Variants in RGS6 observed in about 807,000 individuals in gnomAD.
The protein encoded by RGS6 is regulator of G protein signaling 6.
A neutral mutation model predicts 78.5 loss-of-function variants in RGS6; 30 were observed. The observed-to-expected ratio is 0.38, with a 90% CI of 0.29 to 0.52. RGS6 has a LOEUF of 0.52. RGS6 is among the 20% of genes least tolerant of loss of function. The pLI, the probability that RGS6 is intolerant of heterozygous loss-of-function variation, is 0.85. For missense variants in RGS6, 495 were observed against 609.7 expected (o/e 0.81, Z 1.98); for synonymous variants, 206 against 206.0 (o/e 1.00, Z 0.00).
chr14:72,183,223 C>T (rs2097197425), intron 2 of RGS6, among the ~76,000 whole-genome samples: 1 of 152,178 alleles, frequency 6.6e-6, no homozygotes, highest in Non-Finnish European at 1.5e-5. Flanking sequence ...TGACTACTCT[C>T]CATTTCTGCT....
chr14:72,030,884 T>A (rs9944137), intron 2 of RGS6, among the ~76,000 whole-genome samples: 7 of 151,982 alleles, frequency 4.6e-5, no homozygotes, highest in Non-Finnish European at 1.0e-4. Context: ...AATAAAGCAA[T>A]ATTTAATTGG....
rs147446895 is a variant in RGS6, at chr14:72,106,713, A to G, written c.84+141838A>G. On this transcript the variant is annotated intron_variant, in intron 2 of 17. Transcript: ENST00000553525. ...TATCTTTCAGTCTATGCATTCCCCC[A>G]TTGTCCCCTCCTTTTCCATACAGTG... Among the ~76,000 whole-genome samples the G allele has an allele frequency of 7.2e-3, 1,090 of 152,082 alleles. 39 individuals are homozygous for G. The highest frequency in any genetic ancestry group is 0.062 in the Admixed American group (953 of 15,268).
intron 3 of RGS6, among the ~76,000 whole-genome samples, chr14:72,402,644 G>A (rs573600923): frequency 1.6e-3 from 251 of 152,144 alleles, no homozygotes; most frequent in Non-Finnish European, 2.5e-3. Context: ...CACTTATACT[G>A]TGTTGGTAGG....
chr14:72,409,568 TTTA>T (rs951944561), intron 3 of RGS6, among the ~76,000 whole-genome samples: 1 of 151,912 alleles, frequency 6.6e-6, no homozygotes, highest in Non-Finnish European at 1.5e-5. Context: ...TTTTTTTAAT[TTTA>T]TTATTATTAT....
chr14:71,943,740 G>A (rs1029035526), intron 1 of RGS6, among the ~76,000 whole-genome samples: 7 of 152,210 alleles, frequency 4.6e-5, no homozygotes, highest in Non-Finnish European at 1.0e-4. Context: ...CACAGAGCAA[G>A]CCCATGTTTT....
intron 2 of RGS6, among the ~76,000 whole-genome samples, chr14:72,317,964 G>A (rs1290495155): frequency 6.6e-6 from 1 of 152,176 alleles, no homozygotes; most frequent in African/African-American, 2.4e-5. Context: ...AAAAACAGAA[G>A]TTATTTACAA....
At position 72,107,026 on chromosome 14, in the gene RGS6, G is replaced by A. The variant is rs575806707; in HGVS notation, c.84+142151G>A. 3.9e-5 allele frequency among the ~76,000 whole-genome samples: 6 copies of A among 152,168 alleles called. No homozygotes were observed. In the South Asian group the frequency reaches 1.2e-3, roughly 32 times the overall value. ...TAGATACTCAATACTTAGATCGATT[G>A]AGAGAAGCATAATGGTGACAGTCTG... On this transcript the variant is annotated intron_variant, in intron 2 of 17. Transcript: ENST00000553525.
chr14:71,949,278 C>A (rs930871293), intron 1 of RGS6, among the ~76,000 whole-genome samples: 2 of 152,124 alleles, frequency 1.3e-5, no homozygotes, highest in Non-Finnish European at 2.9e-5. Flanking sequence ...AATTTATATT[C>A]CTATCATCAG....
chr14:72,436,531 A>C lies in RGS6; in HGVS notation c.185-17997A>C, dbSNP rs149841914. 2.8e-3 allele frequency among the ~76,000 whole-genome samples: 419 copies of C among 152,314 alleles called. 3 individuals carry two copies. Among genetic ancestry groups the C allele is most frequent in the Middle Eastern group, 6.8e-3 (2 of 294 alleles). ...CTCAATATTAATCTGGGCTGTTAACATTCTTCCAGAGCTTTGATCATGGTC... is the reference window on the plus strand; with the variant it reads ...CTCAATATTAATCTGGGCTGTTAACCTTCTTCCAGAGCTTTGATCATGGTC... On this transcript the variant is annotated intron_variant, in intron 3 of 17. Transcript: ENST00000553525.
At chr14:72,269,933 G>A (rs1214804494) in intron 2 of RGS6, among the ~76,000 whole-genome samples, 14 of 152,162 alleles carry the variant, frequency 9.2e-5, no homozygotes, top group Admixed American at 9.2e-4. Flanking sequence ...CAGGAAATTA[G>A]AGGATAAAAA....
At chr14:72,408,718 G>A (rs1164485624) in intron 3 of RGS6, among the ~76,000 whole-genome samples, 1 of 152,174 alleles carries the variant, frequency 6.6e-6, no homozygotes, top group African/African-American at 2.4e-5. Context: ...TATGTTAACT[G>A]TCACAATCTA....
chr14:72,261,227 A>G (rs2058094525), intron 2 of RGS6, among the ~76,000 whole-genome samples: 1 of 152,154 alleles, frequency 6.6e-6, no homozygotes, highest in Admixed American at 6.5e-5. Context: ...TGAAAACAGC[A>G]CGACCTGATG....
chr14:72,562,167 T>C (rs2097685104), intron 17 of RGS6, among the ~76,000 whole-genome samples: 1 of 152,098 alleles, frequency 6.6e-6, no homozygotes, highest in African/African-American at 2.4e-5. Context: ...ACAAAAAGAG[T>C]ACCAACAACA....
chr14:72,190,660 A>C (rs543568083), intron 2 of RGS6, among the ~76,000 whole-genome samples: 20 of 152,380 alleles, frequency 1.3e-4, no homozygotes, highest in African/African-American at 4.6e-4. Flanking sequence ...GGAGAAGCAC[A>C]GAGACTTCTA....
the RGS6 span, among the ~76,000 whole-genome samples, chr14:71,926,635 A>T: frequency 1.3e-5 from 2 of 151,586 alleles, no homozygotes; most frequent in South Asian, 4.2e-4. Context: ...AAAATACAGG[A>T]CTTGTAAGAG....
At chr14:72,077,584 T>G (rs1358825593) in intron 2 of RGS6, among the ~76,000 whole-genome samples, 1 of 152,228 alleles carries the variant, frequency 6.6e-6, no homozygotes, top group Admixed American at 6.5e-5. Context: ...CTTGCCTAAT[T>G]TGTTCTATTT....
At chr14:71,934,406 C>A (rs573352939) in intron 1 of RGS6, among the ~76,000 whole-genome samples, 1 of 152,132 alleles carries the variant, frequency 6.6e-6, no homozygotes, top group African/African-American at 2.4e-5. Flanking sequence ...GAGAGGCCAC[C>A]AGTGTTTCCT....
chr14:72,547,225 T>C, intron 17 of RGS6: 1 of 1,535,478 alleles, frequency 6.5e-7, no homozygotes, highest in Non-Finnish European at 8.7e-7. Flanking sequence ...AGAAAGAGCA[T>C]CCAATGGCAG....
At chr14:72,540,945 G>A in intron 17 of RGS6, 1 of 985,436 alleles carries the variant, frequency 1.0e-6, no homozygotes, top group Non-Finnish European at 1.2e-6. Context: ...GTGCATGGCT[G>A]AGACTCTCTA....
Sources: gnomAD v4.1 joint callset for allele counts (sites outside exome capture counted in the v4.1 genomes callset) on GRCh38, gnomAD v4.1.1 for gene constraint, MANE v1.5 for transcripts, NCBI Gene and HGNC (gene_info 2026-07-23, HGNC 2026-07-21) for gene names.